Variants in UBR3 observed in about 807,000 individuals in gnomAD.
UBR3 encodes ubiquitin protein ligase E3 component n-recognin 3, also known as E3 ubiquitin-protein ligase UBR3.
Under a neutral mutation model 243.2 loss-of-function variants are expected in UBR3, and 85 were observed. That is an observed-to-expected ratio of 0.35 (90% CI 0.29 to 0.42). UBR3 has a LOEUF of 0.42. UBR3 is among the 10% of genes least tolerant of loss of function. The pLI, the probability that UBR3 is intolerant of heterozygous loss-of-function variation, is 1.00. For synonymous variants in UBR3, 748 were observed against 799.8 expected (o/e 0.94, Z 1.09); for missense variants, 1,686 against 2,300.8 (o/e 0.73, Z 5.47).
At chr2:169,887,392 G>A (rs1247100112) in intron 5 of UBR3, among the ~76,000 whole-genome samples, 3 of 152,294 alleles carry the variant, frequency 2.0e-5, no homozygotes, top group Non-Finnish European at 2.9e-5. Context: ...AGGGACAAAT[G>A]AACCTTAGCT....
intron 25 of UBR3, among the ~76,000 whole-genome samples, chr2:169,989,302 T>C (rs945424314): frequency 2.7e-5 from 4 of 150,620 alleles, no homozygotes; most frequent in African/African-American, 9.7e-5. Flanking sequence ...TTATTTATTT[T>C]GCTTAATTTA....
chr2:169,856,649 G>T (rs1019194231), intron 1 of UBR3, among the ~76,000 whole-genome samples: 1 of 152,222 alleles, frequency 6.6e-6, no homozygotes, highest in East Asian at 1.9e-4. Flanking sequence ...CGGCCAACAC[G>T]GCGAAACCCC....
intron 5 of UBR3, among the ~76,000 whole-genome samples, chr2:169,881,978 T>C (rs1239979873): frequency 1.6e-5 from 1 of 62,124 alleles, no homozygotes; most frequent in African/African-American, 4.2e-5. Context: ...GTAATTATAT[T>C]ATATATGTAT....
Position 169,997,128 on chromosome 2 carries a change from CT to C in UBR3, c.3918+2675del, listed in dbSNP as rs1396216026. Among the ~76,000 whole-genome samples, 24 of 83,572 alleles carry C rather than the reference CT, an allele frequency of 2.9e-4. No individual in the cohort carries two copies. The South Asian group carries it at 5.7e-3, about 20-fold the overall frequency. 54.8% of individuals were successfully genotyped at this position (83,572 alleles called of 152,430 possible). The stretch of plus-strand genomic sequence containing the variant: ...CTTTTGCAGAAATTTACTATTTAGA[CT>C]TTATTTAGACTTTATTTTTTTGTCA... On this transcript the variant is annotated intron_variant, in intron 26 of 38. Transcript: ENST00000272793.
chr2:169,897,368 C>T (rs536058533), intron 8 of UBR3, among the ~76,000 whole-genome samples: 2 of 152,190 alleles, frequency 1.3e-5, no homozygotes, highest in South Asian at 4.1e-4. Flanking sequence ...CATAATGTTT[C>T]TGTACCTCTT....
At chr2:170,049,462 A>G (rs926780355) in intron 32 of UBR3, among the ~76,000 whole-genome samples, 8 of 152,338 alleles carry the variant, frequency 5.3e-5, no homozygotes, top group South Asian at 2.1e-4. Flanking sequence ...ATCTTGTTAC[A>G]TAGTACTGCA....
intron 5 of UBR3, among the ~76,000 whole-genome samples, chr2:169,886,156 C>A (rs75918776): frequency 0.015 from 1,635 of 110,812 alleles, no homozygotes; most frequent in Middle Eastern, 0.027. Context: ...GACTCCGTCT[C>A]AAAAAAAAAA....
At chr2:170,045,352 A>C (rs1574443975) in intron 32 of UBR3, among the ~76,000 whole-genome samples, 1 of 152,102 alleles carries the variant, frequency 6.6e-6, no homozygotes, top group East Asian at 1.9e-4. Flanking sequence ...TGGGAGTTAA[A>C]ATTCAAGATG....
At chr2:169,843,613 T>A (rs2082369732) in intron 1 of UBR3, among the ~76,000 whole-genome samples, 6 of 152,252 alleles carry the variant, frequency 3.9e-5, no homozygotes, top group Admixed American at 3.3e-4. Flanking sequence ...TATTGACTAT[T>A]GAACCAGTCT....
intron 35 of UBR3, among the ~76,000 whole-genome samples, chr2:170,071,221 T>C (rs545036430): frequency 6.6e-6 from 1 of 152,326 alleles, no homozygotes; most frequent in Admixed American, 6.5e-5. Flanking sequence ...TTCTGCTAAG[T>C]ATCAACTGGA....
chr2:170,068,341 A>G (rs2091623162), intron 35 of UBR3, among the ~76,000 whole-genome samples: 1 of 151,958 alleles, frequency 6.6e-6, no homozygotes, highest in Non-Finnish European at 1.5e-5. Flanking sequence ...GTTGGTGTGC[A>G]CCTGTAGTCC....
In UBR3 at chr2:169,940,001, A is replaced by G. The variant is rs555932823; in HGVS notation, c.2664-2492A>G. Among the ~76,000 whole-genome samples the G allele has an allele frequency of 1.0e-3, 154 of 152,260 alleles. 1 individual carries two copies. Among genetic ancestry groups the G allele is most frequent in the Non-Finnish European group, 1.7e-3 (117 of 68,018 alleles). ...AATTTTTATTGTTATAGATTTTAAA[A>G]ATATTTTTAATTGATATATCTTAGC... On this transcript the variant is annotated intron_variant, in intron 19 of 38. Transcript: ENST00000272793.
chr2:169,897,044 T>C (rs1419286185), intron 8 of UBR3, among the ~76,000 whole-genome samples: 2 of 152,158 alleles, frequency 1.3e-5, no homozygotes, highest in African/African-American at 4.8e-5. Flanking sequence ...ATTTCTTTTC[T>C]TTTTGTGTAA....
At chr2:169,968,596 A>G (rs1443700596) in intron 24 of UBR3, among the ~76,000 whole-genome samples, 2 of 152,070 alleles carry the variant, frequency 1.3e-5, no homozygotes, top group African/African-American at 4.8e-5. Flanking sequence ...TTCTTTGTTC[A>G]TCTGTTGATA....
chr2:170,041,868 A>T (rs560531194), intron 32 of UBR3, among the ~76,000 whole-genome samples: 45 of 152,240 alleles, frequency 3.0e-4, no homozygotes, highest in Non-Finnish European at 5.7e-4. Context: ...GCAAATTATG[A>T]CATTCTGTAA....
chr2:169,998,951 T>C (rs2089595692), intron 26 of UBR3, among the ~76,000 whole-genome samples: 1 of 152,168 alleles, frequency 6.6e-6, no homozygotes, highest in Non-Finnish European at 1.5e-5. Flanking sequence ...TTAGTAATTA[T>C]TGAGGTTGTG....
At chr2:170,012,366 T>TTTAA (rs1294153712) in intron 29 of UBR3, among the ~76,000 whole-genome samples, 1 of 152,156 alleles carries the variant, frequency 6.6e-6, no homozygotes, top group Non-Finnish European at 1.5e-5. Context: ...TTTTTTTCTT[T>TTTAA]TTAAGCATCT....
At chr2:169,856,118 G>GGC (rs2082844815) in intron 1 of UBR3, among the ~76,000 whole-genome samples, 1 of 150,844 alleles carries the variant, frequency 6.6e-6, no homozygotes, top group South Asian at 2.1e-4. Context: ...TCTCAGACGG[G>GGC]GGCAGCCGGT....
rs1344652327 is a variant in UBR3, at chr2:170,038,191, AAGTTCTCAAGCCTTTTTG to A, written c.4557-2689_4557-2672del. 2.0e-5 allele frequency among the ~76,000 whole-genome samples: 3 copies of A among 152,206 alleles called. No individual in the cohort carries two copies. The East Asian group carries it at 5.8e-4, about 29-fold the overall frequency. On this transcript the variant is annotated intron_variant, in intron 31 of 38. Transcript: ENST00000272793. ...GTTGGTCTGTAGGTTATCATGCAAG[AAGTTCTCAAGCCTTTTTG>A]ATTTTTGTGCAATAAAGTACAGCTT... is the stretch of plus-strand genomic sequence containing the variant.
Sources: gnomAD v4.1 joint callset for allele counts (sites outside exome capture counted in the v4.1 genomes callset) on GRCh38, gnomAD v4.1.1 for gene constraint, MANE v1.5 for transcripts, NCBI Gene and HGNC (gene_info 2026-07-23, HGNC 2026-07-21) for gene names.